GOLPH3L: variants seen among roughly 807,000 people sequenced by gnomAD.
The protein encoded by GOLPH3L is golgi phosphoprotein 3 like, also known as Golgi phosphoprotein 3-like.
In GOLPH3L, 22 loss-of-function variants were observed where a neutral mutation model predicts 30.3. That is an observed-to-expected ratio of 0.73 (90% CI 0.52 to 1.04). The LOEUF is 1.04. Ranked by LOEUF, GOLPH3L falls within the 50% of genes least tolerant of loss-of-function variation. The pLI is 0.00. For synonymous variants in GOLPH3L, 120 were observed against 128.2 expected, an observed-to-expected ratio of 0.94 and a Z score of 0.43; for missense variants, 303 against 345.8, an observed-to-expected ratio of 0.88 and a Z score of 0.98.
chr1:150,667,760 A>AT (rs940751975), intron 2 of GOLPH3L, among the ~76,000 whole-genome samples: 1 of 151,298 alleles, frequency 6.6e-6, no homozygotes, highest in African/African-American at 2.4e-5. Context: ...ACCCAGCTAA[A>AT]TTTTTTTATA....
intron 2 of GOLPH3L, among the ~76,000 whole-genome samples, chr1:150,692,261 T>A (rs1256198821): frequency 6.6e-6 from 1 of 152,354 alleles, no homozygotes; most frequent in East Asian, 1.9e-4. Flanking sequence ...AAGTTTGACC[T>A]CTTCTATTCA....
intron 1 of GOLPH3L, among the ~76,000 whole-genome samples, chr1:150,695,114 G>GC (rs1344263129): frequency 6.6e-6 from 1 of 152,038 alleles, no homozygotes; most frequent in African/African-American, 2.4e-5. Context: ...CATCTTTCAA[G>GC]CCTGTTGACT....
chr1:150,673,243 T>A (rs1432502403), intron 2 of GOLPH3L, among the ~76,000 whole-genome samples: 2 of 152,134 alleles, frequency 1.3e-5, no homozygotes, highest in Non-Finnish European at 2.9e-5. Flanking sequence ...GAAAGAGGAA[T>A]TTTAATTGCT....
intron 2 of GOLPH3L, among the ~76,000 whole-genome samples, chr1:150,682,079 G>T (rs1241330321): frequency 6.7e-6 from 1 of 148,598 alleles, no homozygotes. Flanking sequence ...AAAAAAAAAT[G>T]ATGCATCTGT....
intron 2 of GOLPH3L, among the ~76,000 whole-genome samples, chr1:150,683,753 T>C (rs182723571): frequency 2.1e-4 from 29 of 138,054 alleles, no homozygotes; most frequent in Admixed American, 4.5e-4. Flanking sequence ...TCAATAAATG[T>C]TGGCTCACTT....
Position 150,648,211 on chromosome 1 carries a change from CAAGAA to C in GOLPH3L, c.*105_*109del. The C allele has an allele frequency of 1.3e-6, 1 of 784,456 alleles. No homozygotes were observed. Among genetic ancestry groups the C allele is most frequent in the Non-Finnish European group, 2.0e-6 (1 of 493,814 alleles). The allele number at this position is 784,456 out of a possible 1,614,324, so 48.6% of individuals were successfully genotyped here. ...CTCTCCCCAAATCACAAGTCTGATT[CAAGAA>C]AAGGAAACAAAAATGATGAAAACAT... On this transcript the variant is annotated 3_prime_UTR_variant, in exon 5 of 5. Coordinates refer to ENST00000271732, the MANE Select transcript of GOLPH3L (RefSeq NM_018178.6).
chr1:150,658,694 G>A (rs1207411890), intron 4 of GOLPH3L, among the ~76,000 whole-genome samples: 1 of 152,170 alleles, frequency 6.6e-6, no homozygotes. Flanking sequence ...TGCGTGTCAT[G>A]GCCACACTAT....
chr1:150,687,235 A>G (rs1273753214), intron 2 of GOLPH3L, among the ~76,000 whole-genome samples: 1 of 152,088 alleles, frequency 6.6e-6, no homozygotes, highest in Non-Finnish European at 1.5e-5. Context: ...TTCTTCATTC[A>G]TAGCCAATAA....
At position 150,648,276 on chromosome 1, in the gene GOLPH3L, C is replaced by T. The variant is rs771989266; in HGVS notation, c.*45G>A. ...CAAAACTCAGTGATGGGGTCTCTGA[C>T]AGTCACCAGCCAGCAGGGGAAAAGG... On this transcript the variant is annotated 3_prime_UTR_variant, in exon 5 of 5. Transcript: ENST00000271732. 8 of 1,349,080 alleles carry T rather than the reference C, an allele frequency of 5.9e-6. No individual in the cohort carries two copies. The highest frequency in any genetic ancestry group is 2.1e-5 in the Admixed American group (1 of 48,402). The allele number at this position is 1,349,080 out of a possible 1,614,324, so 83.6% of individuals were successfully genotyped here.
rs66627372 is a variant in GOLPH3L at position 150,693,847 on chromosome 1, A to ATT, written c.183+807_183+808dup. Among the ~76,000 whole-genome samples the ATT allele has an allele frequency of 6.2e-4, 17 of 27,216 alleles. 1 individual carries two copies. Among genetic ancestry groups the ATT allele is most frequent in the East Asian group, 1.4e-3 (1 of 692 alleles). The allele number at this position is 27,216 out of a possible 152,430, so 17.9% of individuals were successfully genotyped here. ...TATATATATATATATATATATATAT[A>ATT]TTTTTTTTTTTTTTTTTTTTTTTTT... On this transcript the variant is annotated intron_variant, in intron 2 of 4. Coordinates refer to ENST00000271732, the MANE Select transcript of GOLPH3L (RefSeq NM_018178.6).
rs1286705408 is a variant in GOLPH3L, at chr1:150,663,720, C to G, written c.227G>C (p.Arg76Pro). The change falls in exon 3 of 5, where the codon CGA becomes CCA. Residue 76 changes from arginine (R) to proline (P), a missense_variant. Physicochemically the swap from Arg to Pro is moderately radical, Grantham distance 103. Transcript: ENST00000271732. ...GGCCAGCTCTATCAGGATGCCCCCTCGCAGGCCTGATGATATGCAGTCATT... is the reference window on the plus strand; with the variant it reads ...GGCCAGCTCTATCAGGATGCCCCCTGGCAGGCCTGATGATATGCAGTCATT... ...FWNDCISSGL[R>P]GGILIELAMR... 6.2e-7 allele frequency: 1 copy of G among 1,612,828 alleles called. No individual in the cohort carries two copies. Among genetic ancestry groups the G allele is most frequent in the East Asian group, 2.2e-5 (1 of 44,878 alleles).
intron 2 of GOLPH3L, among the ~76,000 whole-genome samples, chr1:150,677,676 C>T (rs587624423): frequency 6.0e-5 from 9 of 150,084 alleles, no homozygotes; most frequent in East Asian, 2.0e-4. Flanking sequence ...CTGTCACCCA[C>T]GCTGGAGTGC....
chr1:150,683,723 AAAAAAAAAAAG>A lies in GOLPH3L; in HGVS notation c.183+10922_183+10932del, dbSNP rs1215392240. 3.5e-4 allele frequency among the ~76,000 whole-genome samples: 51 copies of A among 145,188 alleles called. 2 individuals are homozygous for A. Among genetic ancestry groups the A allele is most frequent in the East Asian group, 2.4e-3 (12 of 5,042 alleles). On this transcript the variant is annotated intron_variant, in intron 2 of 4. Coordinates refer to ENST00000271732, the MANE Select transcript of GOLPH3L (RefSeq NM_018178.6). ...TCAAAAAAAAAAAAAAAAAAAAAAA[AAAAAAAAAAAG>A]AGAGATACTCAATAAATGTTGGCTC...
intron 2 of GOLPH3L, among the ~76,000 whole-genome samples, chr1:150,668,077 C>G (rs969121151): frequency 1.3e-5 from 2 of 152,206 alleles, no homozygotes; most frequent in African/African-American, 4.8e-5. Context: ...GGATTAGGTT[C>G]TGCACCTGGG....
intron 4 of GOLPH3L, among the ~76,000 whole-genome samples, chr1:150,651,642 CAAAAAAAAA>C (rs59940841): frequency 1.6e-5 from 1 of 60,854 alleles, no homozygotes; most frequent in East Asian, 4.6e-4. Flanking sequence ...GAGCGAAACT[CAAAAAAAAA>C]AAAAAAAAAA....
At chr1:150,683,500 C>T (rs1439998559) in intron 2 of GOLPH3L, among the ~76,000 whole-genome samples, 1 of 139,244 alleles carries the variant, frequency 7.2e-6, no homozygotes, top group Non-Finnish European at 1.5e-5. Flanking sequence ...CGCGCCACTG[C>T]ACTCCAGCCT....
chr1:150,653,292 T>A (rs7538884), intron 4 of GOLPH3L, among the ~76,000 whole-genome samples: 58,021 of 131,022 alleles, frequency 0.44, 13,051 homozygotes, highest in Non-Finnish European at 0.55. Flanking sequence ...AAATCTTTTT[T>A]TTTTTATTTT....
intron 2 of GOLPH3L, among the ~76,000 whole-genome samples, chr1:150,677,037 C>T (rs1024751129): frequency 1.3e-5 from 2 of 151,922 alleles, no homozygotes; most frequent in African/African-American, 2.4e-5. Flanking sequence ...GTGTGAGCCA[C>T]CGTGCCAGGC....
intron 2 of GOLPH3L, among the ~76,000 whole-genome samples, chr1:150,670,996 T>C (rs1345805008): frequency 6.6e-6 from 1 of 152,194 alleles, no homozygotes; most frequent in African/African-American, 2.4e-5. Context: ...TCCCAGCACT[T>C]TGGGAGGCCA....
Sources: allele counts gnomAD v4.1 joint callset (sites outside exome capture counted in the v4.1 genomes callset), GRCh38; gene constraint gnomAD v4.1.1; transcripts MANE v1.5; gene names NCBI Gene and HGNC (gene_info 2026-07-23, HGNC 2026-07-21).